ACSS3: variants seen among roughly 807,000 people sequenced by gnomAD.
The protein encoded by ACSS3 is acyl-CoA synthetase short chain family member 3.
In ACSS3, 64 loss-of-function variants were observed where a neutral mutation model predicts 84.2. That is an observed-to-expected ratio of 0.76 (90% CI 0.62 to 0.94). The LOEUF is 0.94. ACSS3 is among the 40% of genes least tolerant of loss of function. The pLI is 0.00. For synonymous variants in ACSS3, 317 were observed against 310.1 expected (o/e 1.02, Z -0.23); for missense variants, 815 against 867.6 (o/e 0.94, Z 0.76).
intron 2 of ACSS3, among the ~76,000 whole-genome samples, chr12:81,122,500 C>A (rs1884714136): frequency 6.6e-6 from 1 of 152,072 alleles, no homozygotes; most frequent in African/African-American, 2.4e-5. Context: ...TCACATTTTG[C>A]ATGTTTATTA....
intron 5 of ACSS3, among the ~76,000 whole-genome samples, chr12:81,147,201 A>G (rs766869055): frequency 1.1e-4 from 16 of 152,196 alleles, no homozygotes; most frequent in Non-Finnish European, 1.8e-4. Flanking sequence ...ACCTGTATCA[A>G]GATATTTCAT....
intron 1 of ACSS3, among the ~76,000 whole-genome samples, chr12:81,099,003 C>T (rs563142516): frequency 1.3e-5 from 2 of 152,154 alleles, no homozygotes; most frequent in South Asian, 4.1e-4. Flanking sequence ...CTGGTCCAAT[C>T]AATAGAAAAT....
At chr12:81,098,703 T>C (rs1882267009) in intron 1 of ACSS3, among the ~76,000 whole-genome samples, 1 of 152,232 alleles carries the variant, frequency 6.6e-6, no homozygotes, top group South Asian at 2.1e-4. Context: ...CTGCAGTCAT[T>C]TAAATAACTA....
At chr12:81,249,769 T>C (rs1018410047) in intron 13 of ACSS3, among the ~76,000 whole-genome samples, 1 of 152,072 alleles carries the variant, frequency 6.6e-6, no homozygotes, top group Non-Finnish European at 1.5e-5. Flanking sequence ...TTTTTAAAAA[T>C]CTGTCTTCTT....
Position 81,204,659 on chromosome 12 carries a change from G to T in ACSS3, c.1354+5215G>T, listed in dbSNP as rs576274770. On this transcript the variant is annotated intron_variant, in intron 9 of 15. Coordinates refer to ENST00000548058, the MANE Select transcript of ACSS3 (RefSeq NM_024560.4). ...TTTATAAGGGGCAACTTAGTGAAGG[G>T]TTTAATTCAACAAAATTCAGATTAT... 3.9e-5 allele frequency among the ~76,000 whole-genome samples: 6 copies of T among 152,226 alleles called. No individual in the cohort carries two copies. In the South Asian group the frequency reaches 1.2e-3, roughly 32 times the overall value.
At chr12:81,125,251 A>T (rs1484826313) in intron 2 of ACSS3, among the ~76,000 whole-genome samples, 1 of 152,024 alleles carries the variant, frequency 6.6e-6, no homozygotes, top group Non-Finnish European at 1.5e-5. Context: ...AAAATACATA[A>T]ATGTTTCTAC....
chr12:81,174,557 A>G (rs777909494), intron 7 of ACSS3: 22 of 370,270 alleles, frequency 5.9e-5, no homozygotes, highest in African/African-American at 1.0e-4. Flanking sequence ...CTTGATGAAG[A>G]AAAAATTGTA....
chr12:81,229,825 G>A (rs1387069421), intron 11 of ACSS3, among the ~76,000 whole-genome samples: 1 of 151,880 alleles, frequency 6.6e-6, no homozygotes, highest in Non-Finnish European at 1.5e-5. Flanking sequence ...GGAGAACTCC[G>A]CAGGATCACT....
At chr12:81,128,916 A>G (rs1885297328) in intron 2 of ACSS3, among the ~76,000 whole-genome samples, 1 of 152,190 alleles carries the variant, frequency 6.6e-6, no homozygotes, top group African/African-American at 2.4e-5. Context: ...ATGTTTTCCC[A>G]TGCATATTCT....
intron 2 of ACSS3, among the ~76,000 whole-genome samples, chr12:81,110,057 C>T (rs772365023): frequency 6.6e-6 from 1 of 152,292 alleles, no homozygotes; most frequent in Admixed American, 6.5e-5. Context: ...AACTGCCTTC[C>T]CTGTCACTAG....
chr12:81,174,040 A>G (rs556964520), intron 7 of ACSS3, among the ~76,000 whole-genome samples: 37 of 152,254 alleles, frequency 2.4e-4, no homozygotes, highest in African/African-American at 8.9e-4. Flanking sequence ...ATTATGGAAG[A>G]AGGGGATGTG....
chr12:81,212,861 C>G (rs929887885), intron 9 of ACSS3, among the ~76,000 whole-genome samples: 8 of 152,126 alleles, frequency 5.3e-5, no homozygotes, highest in Admixed American at 4.6e-4. Flanking sequence ...AAGGAAATTT[C>G]TCTATTAGCT....
intron 13 of ACSS3, among the ~76,000 whole-genome samples, chr12:81,234,511 A>T (rs1200011692): frequency 6.6e-6 from 1 of 151,450 alleles, no homozygotes; most frequent in Non-Finnish European, 1.5e-5. Flanking sequence ...TTACATAGCC[A>T]CCAGCAGTAT....
At chr12:81,078,587 A>G (rs1346154475) in intron 1 of ACSS3, among the ~76,000 whole-genome samples, 156 bp downstream of exon 1, 1 of 152,158 alleles carries the variant, frequency 6.6e-6, no homozygotes, top group Non-Finnish European at 1.5e-5. Flanking sequence ...TTTCAATTTC[A>G]TAGTCAGTTC....
At chr12:81,176,254 A>T (rs910054311) in intron 8 of ACSS3, among the ~76,000 whole-genome samples, 1 of 152,212 alleles carries the variant, frequency 6.6e-6, no homozygotes, top group African/African-American at 2.4e-5. Flanking sequence ...GAAGAAATGG[A>T]TAAATTTCTG....
At chr12:81,178,153 T>C (rs894182311) in intron 8 of ACSS3, among the ~76,000 whole-genome samples, 11 of 151,538 alleles carry the variant, frequency 7.3e-5, no homozygotes, top group African/African-American at 2.2e-4. Flanking sequence ...GATGAGTTCA[T>C]GTCCTTTGTA....
At chr12:81,246,769 CAG>C (rs534370120) in intron 13 of ACSS3, among the ~76,000 whole-genome samples, 98 of 152,138 alleles carry the variant, frequency 6.4e-4, no homozygotes, top group Non-Finnish European at 1.3e-3. Flanking sequence ...TCAGAGTATG[CAG>C]AGTCAAAGTT....
intron 8 of ACSS3, among the ~76,000 whole-genome samples, chr12:81,178,678 C>T (rs1483981448): frequency 1.3e-5 from 2 of 152,064 alleles, no homozygotes; most frequent in Admixed American, 1.3e-4. Context: ...ATTCCATGCT[C>T]ATGATTAGGA....
At chr12:81,085,440 A>G (rs1045075716) in intron 1 of ACSS3, among the ~76,000 whole-genome samples, 2 of 152,236 alleles carry the variant, frequency 1.3e-5, no homozygotes, top group African/African-American at 2.4e-5. Context: ...GTAGAGTCAC[A>G]TATTTCCATT....
Sources: gnomAD v4.1 joint callset for allele counts (sites outside exome capture counted in the v4.1 genomes callset) on GRCh38, gnomAD v4.1.1 for gene constraint, MANE v1.5 for transcripts, NCBI Gene and HGNC (gene_info 2026-07-23, HGNC 2026-07-21) for gene names.